The following CAMK2A variants were observed in gnomAD, a reference collection of about 807,000 sequenced individuals.
CAMK2A encodes calcium/calmodulin dependent protein kinase II alpha, also known as calcium/calmodulin-dependent protein kinase type II subunit alpha.
CAMK2A carries 7 observed loss-of-function variants against 79.2 expected under a neutral mutation model. That is an observed-to-expected ratio of 0.09 (90% CI 0.05 to 0.17). The LOEUF is 0.17. Among genes scored for constraint, CAMK2A ranks in the 10% least tolerant of loss-of-function variants. The pLI is 1.00. For synonymous variants in CAMK2A, 242 were observed against 251.7 expected, an observed-to-expected ratio of 0.96 and a Z score of 0.36; for missense variants, 214 against 646.4, an observed-to-expected ratio of 0.33 and a Z score of 7.25.
Position 150,221,953 on chromosome 5 carries a change from GCTTT to G in CAMK2A, c.*753_*756del, listed in dbSNP as rs973826169. On this transcript the variant is annotated 3_prime_UTR_variant, in exon 19 of 19. Transcript: ENST00000671881. ...CAAGTAGAAGTGATACCTAAACGTT[GCTTT>G]CTTTTGCCCCCCAAAAACAATTAGA... 7 of 215,104 alleles carry G rather than the reference GCTTT, an allele frequency of 3.3e-5. No homozygotes were observed. The highest frequency in any genetic ancestry group is 3.2e-4 in the Admixed American group (6 of 18,938). The allele number at this position is 215,104 out of a possible 1,614,324, so 13.3% of individuals were successfully genotyped here.
rs530874070 is a variant in CAMK2A at position 150,222,372 on chromosome 5, G to A, written c.*338C>T. 1 of 631,928 alleles carries A rather than the reference G, an allele frequency of 1.6e-6. No individual in the cohort carries two copies. The highest frequency in any genetic ancestry group is 1.8e-5 in the South Asian group (1 of 55,770). The allele number at this position is 631,928 out of a possible 1,614,324, so 39.1% of individuals were successfully genotyped here. A position where few individuals can be genotyped will look rare whatever the true frequency, so the allele number is the denominator to read the frequency against. On this transcript the variant is annotated 3_prime_UTR_variant, in exon 19 of 19. Transcript: ENST00000671881. The stretch of plus-strand genomic sequence containing the variant: ...TCTCCCCAGCCCCTGGTGGGCACCA[G>A]CCCGGGCATTCTAGCCTACAGCCCA...
intron 13 of CAMK2A, among the ~76,000 whole-genome samples, chr5:150,243,693 T>G (rs1328587136): frequency 6.6e-6 from 1 of 152,228 alleles, no homozygotes; most frequent in Non-Finnish European, 1.5e-5. Flanking sequence ...GAGTGTGTAT[T>G]ACATACCAGC....
At chr5:150,234,653 T>G (rs1328725266) in intron 15 of CAMK2A, among the ~76,000 whole-genome samples, 1 of 152,140 alleles carries the variant, frequency 6.6e-6, no homozygotes, top group African/African-American at 2.4e-5. Context: ...GTGTGGTTAT[T>G]ATCATCTGGG....
chr5:150,247,830 A>G lies in CAMK2A; in HGVS notation c.901-16T>C, dbSNP rs747165574. On this transcript the variant is annotated splice_polypyrimidine_tract_variant and intron_variant, in intron 11 of 18. Coordinates refer to ENST00000671881, the MANE Select transcript of CAMK2A (RefSeq NM_015981.4). ...GAATGGCTCCCTGCAAGACATAAGA[A>G]GAGGGCAGTGGGAGAGGAGGCCGGA... 8.7e-6 allele frequency: 14 copies of G among 1,612,294 alleles called. 1 individual carries two copies. Among genetic ancestry groups the G allele is most frequent in the Middle Eastern group, 1.7e-4 (1 of 6,030 alleles).
At position 150,225,079 on chromosome 5, in the gene CAMK2A, A is replaced by C. The variant is rs1017363535; in HGVS notation, c.1238-1862T>G. On this transcript the variant is annotated intron_variant, in intron 17 of 18. Coordinates refer to ENST00000671881, the MANE Select transcript of CAMK2A (RefSeq NM_015981.4). ...GAGAGAGAGAGAGAGAGAGAAAGTG[A>C]GAGAGAGAGAGAGAGACAATGGATA... 6.0e-5 allele frequency among the ~76,000 whole-genome samples: 9 copies of C among 149,288 alleles called. No homozygotes were observed. The East Asian group carries it at 1.8e-3, about 29-fold the overall frequency.
intron 7 of CAMK2A, among the ~76,000 whole-genome samples, 156 bp downstream of exon 7, chr5:150,253,288 C>G (rs1045939795): frequency 5.3e-5 from 8 of 152,206 alleles, no homozygotes; most frequent in African/African-American, 1.7e-4. Context: ...CCCACTGGCT[C>G]AGAGGCTGGG....
At chr5:150,244,114 T>C (rs1312550511) in intron 13 of CAMK2A, among the ~76,000 whole-genome samples, 3 of 140,502 alleles carry the variant, frequency 2.1e-5, no homozygotes, top group Non-Finnish European at 4.4e-5. Context: ...GCTTTTTTTG[T>C]TTGTTTTTAA....
intron 2 of CAMK2A, among the ~76,000 whole-genome samples, chr5:150,265,958 A>T (rs991681429): frequency 6.6e-6 from 1 of 152,042 alleles, no homozygotes; most frequent in African/African-American, 2.4e-5. Context: ...AGAAAAGAAA[A>T]GAAAAAAGAA....
intron 13 of CAMK2A, among the ~76,000 whole-genome samples, chr5:150,242,434 C>T (rs1360810056): frequency 6.6e-6 from 1 of 152,182 alleles, no homozygotes; most frequent in Non-Finnish European, 1.5e-5. Context: ...ACATCTCTGC[C>T]ATTCCTGCAG....
At chr5:150,289,409 A>G (rs1485160228) in intron 1 of CAMK2A, among the ~76,000 whole-genome samples, 155 bp downstream of exon 1, 1 of 152,046 alleles carries the variant, frequency 6.6e-6, no homozygotes, top group Non-Finnish European at 1.5e-5. Context: ...GACTCTGGAC[A>G]CTCTGTACAC....
rs532197759 is a variant in CAMK2A at position 150,224,950 on chromosome 5, C to T, written c.1238-1733G>A. The stretch of plus-strand genomic sequence containing the variant: ...CTGAGGCAGGTGGACTGCGTGAGCC[C>T]AGGAGTTTGAGACCAGCCTGGGCAA... On this transcript the variant is annotated intron_variant, in intron 17 of 18. Coordinates refer to ENST00000671881, the MANE Select transcript of CAMK2A (RefSeq NM_015981.4). Among the ~76,000 whole-genome samples the T allele has an allele frequency of 3.9e-3, 585 of 151,574 alleles. 14 individuals carry two copies. Among genetic ancestry groups the T allele is most frequent in the Non-Finnish European group, 8.7e-4 (59 of 67,918 alleles).
chr5:150,247,897 G>A, intron 11 of CAMK2A, 83 bp from the exon 12 acceptor site: 1 of 1,106,518 alleles, frequency 9.0e-7, no homozygotes, highest in Non-Finnish European at 1.4e-6. Flanking sequence ...GAGGGCCACG[G>A]GGAAGGAGAG....
chr5:150,255,368 A>G (rs970576839), intron 6 of CAMK2A, among the ~76,000 whole-genome samples: 1 of 152,256 alleles, frequency 6.6e-6, no homozygotes, highest in Non-Finnish European at 1.5e-5. Context: ...GTCTCTCTTC[A>G]GAGCATTGTG....
intron 11 of CAMK2A, 99 bp downstream of exon 11, chr5:150,250,127 A>C: frequency 1.1e-6 from 1 of 879,830 alleles, no homozygotes; most frequent in Non-Finnish European, 1.9e-6. Flanking sequence ...TTATTGAATC[A>C]ATGAAGGAAA....
intron 2 of CAMK2A, among the ~76,000 whole-genome samples, chr5:150,267,653 T>C (rs1756568100): frequency 6.6e-6 from 1 of 152,168 alleles, no homozygotes; most frequent in Non-Finnish European, 1.5e-5. Context: ...CTGTTTGCAG[T>C]GTTTTCATTT....
At chr5:150,233,569 A>T (rs1311406976) in intron 15 of CAMK2A, among the ~76,000 whole-genome samples, 1 of 152,154 alleles carries the variant, frequency 6.6e-6, no homozygotes, top group African/African-American at 2.4e-5. Flanking sequence ...GCAGCACTCA[A>T]TACATACGTG....
intron 16 of CAMK2A, among the ~76,000 whole-genome samples, chr5:150,230,393 C>T (rs186566633): frequency 1.3e-5 from 2 of 149,496 alleles, no homozygotes; most frequent in Non-Finnish European, 3.0e-5. Flanking sequence ...AGGCAAACTT[C>T]AGCTCTGGGC....
chr5:150,289,376 C>T (rs1757567802), intron 1 of CAMK2A, among the ~76,000 whole-genome samples, 188 bp downstream of exon 1: 1 of 152,180 alleles, frequency 6.6e-6, no homozygotes, highest in Admixed American at 6.5e-5. Flanking sequence ...CACATCTGTG[C>T]ACCCACAAAC....
At chr5:150,280,411 T>C (rs547885794) in intron 1 of CAMK2A, among the ~76,000 whole-genome samples, 7 of 151,724 alleles carry the variant, frequency 4.6e-5, no homozygotes, top group Non-Finnish European at 1.0e-4. Context: ...AATAAAACTC[T>C]CTCCTCAAAT....
Sources: allele counts gnomAD v4.1 joint callset (sites outside exome capture counted in the v4.1 genomes callset), GRCh38; gene constraint gnomAD v4.1.1; transcripts MANE v1.5; gene names NCBI Gene and HGNC (gene_info 2026-07-23, HGNC 2026-07-21).